The following CLSPN variants were observed in gnomAD, a reference collection of about 807,000 sequenced individuals.
CLSPN encodes the protein claspin.
Under a neutral mutation model 156.3 loss-of-function variants are expected in CLSPN, and 85 were observed. The observed-to-expected ratio is 0.54, with a 90% CI of 0.46 to 0.65. The LOEUF (loss-of-function observed/expected upper bound fraction) is 0.65, where lower values mean the gene tolerates loss of function less well. Among genes scored for constraint, CLSPN ranks in the 30% least tolerant of loss-of-function variants. The pLI is 0.00. For synonymous variants in CLSPN, 534 were observed against 542.4 expected (o/e 0.98, Z 0.22); for missense variants, 1,407 against 1,554.9 (o/e 0.90, Z 1.60).
At chr1:35,731,825 G>A (rs951385799), downstream of CLSPN, among the ~76,000 whole-genome samples, 3 of 152,178 alleles carry the variant, frequency 2.0e-5, no homozygotes, top group African/African-American at 7.2e-5. Flanking sequence ...AATACAGGAG[G>A]AAGAGCAGGT....
chr1:35,742,570 G>A (rs1334235111), intron 18 of CLSPN, among the ~76,000 whole-genome samples: 18 of 151,668 alleles, frequency 1.2e-4, no homozygotes, highest in Non-Finnish European at 1.5e-5. Context: ...TAGTAGAGAG[G>A]GTTTCACCAT....
chr1:35,749,067 C>T (rs1641995076), intron 12 of CLSPN, among the ~76,000 whole-genome samples: 1 of 152,004 alleles, frequency 6.6e-6, no homozygotes, highest in Non-Finnish European at 1.5e-5. Flanking sequence ...CCTCATGATC[C>T]GCCTGCCTCA....
At position 35,751,289 on chromosome 1, in the gene CLSPN, C is replaced by T. The variant is rs574934063; in HGVS notation, c.1989G>A (p.Glu663=). ...EEKEEELEEE[E]EKEEEEEEEG... ...CTTCTTCCTCCTCCTCTTCTTTCTCCTCCTCTTCCTCTAGTTCTTCCTCTT... is the reference window on the plus strand; with the variant it reads ...CTTCTTCCTCCTCCTCTTCTTTCTCTTCCTCTTCCTCTAGTTCTTCCTCTT... The change falls in exon 10 of 25, where the codon GAG becomes GAA. Residue 663 remains glutamate (E), a synonymous_variant. Transcript: ENST00000318121. 3.1e-6 allele frequency: 5 copies of T among 1,590,032 alleles called. No homozygotes were observed. The African/African-American group carries it at 5.3e-5, about 17-fold the overall frequency.
Position 35,761,199 on chromosome 1 carries a change from C to A in CLSPN, c.901G>T (p.Ala301Ser). 1 of 1,594,398 alleles carries A rather than the reference C, an allele frequency of 6.3e-7. No individual in the cohort carries two copies. The highest frequency in any genetic ancestry group is 8.6e-7 in the Non-Finnish European group (1 of 1,162,400). Residue 301 changes from alanine (A) to serine (S), a missense_variant, in exon 7 of 25, where the codon GCA (alanine) becomes TCA (serine). This residue lies in a region of CLSPN where 1,096 missense variants were observed against 1,193.0 expected (regional missense o/e 0.92). Coordinates refer to ENST00000318121, the MANE Select transcript of CLSPN (RefSeq NM_022111.4). ...SETQRLIRESALNLPYHMPEN... is the reference protein window; with the variant it reads ...SETQRLIRESSLNLPYHMPEN... ...GGCATATGATATGGAAGGTTCAGTG[C>A]AGACTCTATAAAATGGAATAAAACA...
In CLSPN at chr1:35,736,358, A is replaced by G. The variant is rs1641471546; in HGVS notation, c.*138T>C. On this transcript the variant is annotated 3_prime_UTR_variant, in exon 25 of 25. Transcript: ENST00000318121. ...TGTCCAGAGCTGTGCAGTAGAAATC[A>G]CTGGAATTTCTGTCTGCAATCTTAT... The G allele has an allele frequency of 7.3e-7, 1 of 1,379,032 alleles. No individual in the cohort carries two copies. The allele number at this position is 1,379,032 out of a possible 1,614,324, so 85.4% of individuals were successfully genotyped here. A position where few individuals can be genotyped will look rare whatever the true frequency, so the allele number is the denominator to read the frequency against.
Position 35,760,818 on chromosome 1 carries a change from G to A in CLSPN, c.1103C>T (p.Thr368Ile), listed in dbSNP as rs79928707. The stretch of plus-strand genomic sequence containing the variant: ...TTCCACTTCATTTTCTGCACCTGTT[G>A]TCTGCTCAGAACCTTTACTATGGTG... ...SDHHSKGSEQ[T>I]TGAENEVETN... The change falls in exon 8 of 25, where the codon ACA becomes ATA. Residue 368 changes from threonine to isoleucine, a missense_variant. Physicochemically the swap from Thr to Ile is moderately conservative, Grantham distance 89. Transcript: ENST00000318121. 8.2e-4 allele frequency: 1,320 copies of A among 1,613,710 alleles called. 7 individuals are homozygous for A. The African/African-American group carries it at 0.016, about 20-fold the overall frequency.
intron 24 of CLSPN, among the ~76,000 whole-genome samples, chr1:35,721,311 A>T (rs937213973): frequency 6.6e-6 from 1 of 152,184 alleles, no homozygotes; most frequent in South Asian, 2.1e-4. Context: ...TAGTGCTACC[A>T]GGAGCCGAAA....
intron 14 of CLSPN, 104 bp from the exon 15 acceptor site, chr1:35,747,096 G>A (rs1174349921): frequency 1.3e-6 from 1 of 786,920 alleles, no homozygotes; most frequent in Non-Finnish European, 2.1e-6. Flanking sequence ...GCCGAGGCGG[G>A]CGGATCACGA....
rs981944763 is a variant in CLSPN at position 35,764,533 on chromosome 1, T to C, written c.315A>G (p.Lys105=). ...GKNTKIKRIY[K]TVADSDESYM... ...AACTTTCATCACTGTCTGCCACAGTTTTGTAAATCCTTTTGATTTTTGTAT... is the reference window on the plus strand; with the variant it reads ...AACTTTCATCACTGTCTGCCACAGTCTTGTAAATCCTTTTGATTTTTGTAT... Residue 105 remains lysine (K), a synonymous_variant, in exon 3 of 25, where the codon AAA becomes AAG. Coordinates refer to ENST00000318121, the MANE Select transcript of CLSPN (RefSeq NM_022111.4). The C allele has an allele frequency of 1.2e-6, 2 of 1,613,902 alleles. No individual in the cohort carries two copies. The highest frequency in any genetic ancestry group is 3.3e-5 in the Admixed American group (2 of 60,002).
intron 8 of CLSPN, among the ~76,000 whole-genome samples, chr1:35,754,217 T>TGAACATTCTTTAAAAATTCTTTA (rs1642197526): frequency 6.6e-6 from 1 of 152,256 alleles, no homozygotes; most frequent in Non-Finnish European, 1.5e-5. Flanking sequence ...GCAATTCTTT[T>TGAACATTCTTTAAAAATTCTTTA]GAACATTCTT....
At chr1:35,768,224 T>C (rs999169909) in intron 1 of CLSPN, among the ~76,000 whole-genome samples, 1 of 151,920 alleles carries the variant, frequency 6.6e-6, no homozygotes, top group Non-Finnish European at 1.5e-5. Context: ...AAAAATTAGC[T>C]GGGCGTGGTG....
At chr1:35,767,432 T>C (rs1047615666) in intron 1 of CLSPN, among the ~76,000 whole-genome samples, 2 of 152,138 alleles carry the variant, frequency 1.3e-5, no homozygotes, top group African/African-American at 4.8e-5. Flanking sequence ...TAAAACAAGA[T>C]TGGCCATGAC....
At chr1:35,762,360 G>T in intron 5 of CLSPN, 44 bp downstream of exon 5, 2 of 1,421,320 alleles carry the variant, frequency 1.4e-6, no homozygotes, top group Non-Finnish European at 2.0e-6. Flanking sequence ...ATAATCTCCT[G>T]TGTAAAGAGA....
intron 20 of CLSPN, 47 bp from the exon 21 acceptor site, chr1:35,738,629 G>A: frequency 6.2e-7 from 1 of 1,606,390 alleles, no homozygotes; most frequent in Non-Finnish European, 8.5e-7. Flanking sequence ...CCTCACAGGA[G>A]AGGGTGCTTG....
At chr1:35,731,166 T>C (rs1453911951), downstream of CLSPN, among the ~76,000 whole-genome samples, 4 of 149,104 alleles carry the variant, frequency 2.7e-5, no homozygotes, top group Non-Finnish European at 3.0e-5. Context: ...TACCACTGCA[T>C]TCCAGCCTGG....
rs1557508925 is a variant in CLSPN at position 35,746,766 on chromosome 1, C to T, written c.2854G>A (p.Asp952Asn). Reference protein sequence around the residue: ...NLCSGKFTSQDASTPASSELN... With the variant: ...NLCSGKFTSQNASTPASSELN... The stretch of plus-strand genomic sequence containing the variant: ...TTGATACTCTCGGTTGGATATTTAC[C>T]CTGAGAAGTGAATTTTCCTGAACAA... The change falls in exon 15 of 25, where the codon GAT (aspartate) becomes AAT (asparagine). Residue 952 changes from aspartate (D) to asparagine (N), a missense_variant and splice_region_variant. By Grantham distance (23) the Asp-to-Asn change is conservative. Transcript: ENST00000318121. The surrounding 1 kb of genome is among the most constrained non-coding windows in gnomAD (Gnocchi z 4.2). 5.6e-6 allele frequency: 9 copies of T among 1,595,228 alleles called. No homozygotes were observed. The highest frequency in any genetic ancestry group is 7.7e-6 in the Non-Finnish European group (9 of 1,162,936).
downstream of CLSPN, among the ~76,000 whole-genome samples, chr1:35,731,090 C>G (rs549136314): frequency 1.3e-5 from 2 of 151,488 alleles, no homozygotes; most frequent in African/African-American, 2.4e-5. Flanking sequence ...ATCCCAGCTA[C>G]TTGGGAGGCT....
chr1:35,759,668 T>A (rs1183731671), intron 8 of CLSPN, among the ~76,000 whole-genome samples: 1 of 152,170 alleles, frequency 6.6e-6, no homozygotes, highest in Non-Finnish European at 1.5e-5. Context: ...ATGTTTCTCT[T>A]TAGCAGTAAA....
chr1:35,734,434 C>A lies in CLSPN; in HGVS notation c.*2062G>T, dbSNP rs1641394546. 1 of 923,856 alleles carries A rather than the reference C, an allele frequency of 1.1e-6. No individual in the cohort carries two copies. Among genetic ancestry groups the A allele is most frequent in the Admixed American group, 6.2e-5 (1 of 16,170 alleles). The allele number at this position is 923,856 out of a possible 1,614,324, so 57.2% of individuals were successfully genotyped here. A position where few individuals can be genotyped will look rare whatever the true frequency, so the allele number is the denominator to read the frequency against. Reference sequence around the variant, plus strand: ...GTGGCTCATGCCTATAATCCCAGCACTTTGGGAGGCCGAGACGGGTGGATC... The same window carrying A: ...GTGGCTCATGCCTATAATCCCAGCAATTTGGGAGGCCGAGACGGGTGGATC... On this transcript the variant is annotated 3_prime_UTR_variant, in exon 25 of 25. Transcript: ENST00000318121.
Sources: allele counts gnomAD v4.1 joint callset (sites outside exome capture counted in the v4.1 genomes callset), GRCh38; gene constraint gnomAD v4.1.1; regional missense constraint gnomAD v4.1.1; non-coding constraint Gnocchi (gnomAD v3.1); transcripts MANE v1.5; gene names NCBI Gene and HGNC (gene_info 2026-07-23, HGNC 2026-07-21).